Variants in CUX1 observed in about 807,000 individuals in gnomAD.
The protein encoded by CUX1 is protein CASP.
A neutral mutation model predicts 158.8 loss-of-function variants in CUX1; 31 were observed. The observed-to-expected ratio is 0.20, with a 90% confidence interval of 0.15 to 0.26. The LOEUF is 0.26. Ranked by LOEUF, CUX1 falls within the 10% of genes least tolerant of loss-of-function variation. The pLI, the probability that CUX1 is intolerant of heterozygous loss-of-function variation, is 1.00. For synonymous variants in CUX1, 879 were observed against 862.1 expected (o/e 1.02, Z -0.34); for missense variants, 1,589 against 2,014.6 (o/e 0.79, Z 4.04).
At chr7:102,222,485 C>G (rs1797904270) in intron 20 of CUX1, among the ~76,000 whole-genome samples, 1 of 152,014 alleles carries the variant, frequency 6.6e-6, no homozygotes, top group Admixed American at 6.6e-5. Flanking sequence ...AAATTTCCAC[C>G]CCAGGGACCA....
At chr7:101,888,624 C>T (rs1052257684) in intron 1 of CUX1, among the ~76,000 whole-genome samples, 18 of 152,086 alleles carry the variant, frequency 1.2e-4, no homozygotes, top group African/African-American at 3.4e-4. Flanking sequence ...GAGTCTCACT[C>T]TGTCACCTAG....
chr7:102,098,335 C>T (rs554298891), intron 5 of CUX1, among the ~76,000 whole-genome samples: 4 of 152,272 alleles, frequency 2.6e-5, no homozygotes, highest in Admixed American at 1.3e-4. Context: ...ATTGGGGCCA[C>T]GTGCGGTGGT....
At chr7:102,116,863 G>A (rs901820484) in intron 8 of CUX1, among the ~76,000 whole-genome samples, 1 of 152,170 alleles carries the variant, frequency 6.6e-6, no homozygotes, top group Non-Finnish European at 1.5e-5. Context: ...AGACTCACTC[G>A]GTTAGATGAT....
chr7:101,855,620 C>G (rs772354274), intron 1 of CUX1, among the ~76,000 whole-genome samples: 3 of 152,198 alleles, frequency 2.0e-5, no homozygotes, highest in Non-Finnish European at 4.4e-5. Flanking sequence ...TGGCTCATGC[C>G]TGTAATCCCA....
chr7:102,018,748 G>A (rs928745357), intron 2 of CUX1, among the ~76,000 whole-genome samples: 4 of 152,070 alleles, frequency 2.6e-5, no homozygotes, highest in African/African-American at 7.2e-5. Context: ...GCGTGCGTGC[G>A]TGCGTGCGCT....
chr7:102,137,874 C>T (rs371471434), intron 8 of CUX1, among the ~76,000 whole-genome samples: 26 of 152,022 alleles, frequency 1.7e-4, no homozygotes, highest in African/African-American at 5.8e-4. Context: ...CAAACCTTAC[C>T]TTAATTAGCC....
At chr7:102,006,348 G>A (rs1300585004) in intron 2 of CUX1, among the ~76,000 whole-genome samples, 1 of 152,092 alleles carries the variant, frequency 6.6e-6, no homozygotes, top group Non-Finnish European at 1.5e-5. Flanking sequence ...GGACAACTCT[G>A]GAATGCCAGT....
chr7:101,930,072 C>A (rs985676520), intron 2 of CUX1, among the ~76,000 whole-genome samples: 1 of 152,188 alleles, frequency 6.6e-6, no homozygotes, highest in African/African-American at 2.4e-5. Context: ...GATCTCTTCA[C>A]CTCAGGTGAC....
intron 14 of CUX1, among the ~76,000 whole-genome samples, chr7:102,269,572 A>ATTTTTTTTTTTTTTTT (rs71123030): frequency 5.6e-5 from 6 of 107,802 alleles, no homozygotes; most frequent in African/African-American, 7.8e-5. Context: ...TGCCCGGCTA[A>ATTTTTTTTTTTTTTTT]TTTTTTTTTT....
exon 20 of CUX1, chr7:102,280,812 G>A (rs1554549042): frequency 1.9e-6 from 3 of 1,613,122 alleles, no homozygotes; most frequent in Admixed American, 1.7e-5. Context: ...AGGAGCGGCA[G>A]AGGAAGTACC....
chr7:101,984,139 C>T (rs74350977), intron 2 of CUX1, among the ~76,000 whole-genome samples: 2,368 of 45,188 alleles, frequency 0.052, 137 homozygotes, highest in Admixed American at 0.16. Context: ...TACACACACA[C>T]ATATATATAT....
At chr7:101,907,146 A>G (rs1437353228) in intron 1 of CUX1, among the ~76,000 whole-genome samples, 2 of 152,194 alleles carry the variant, frequency 1.3e-5, no homozygotes, top group Non-Finnish European at 2.9e-5. Flanking sequence ...AACTTATGAA[A>G]TAAGTGAAAA....
rs1554518620 is a variant in CUX1, at chr7:102,197,133, C to T, written c.1722C>T (p.Phe574=). The change falls in exon 15 of 24, where the codon TTC becomes TTT. Residue 574 remains phenylalanine (F), a synonymous_variant. Transcript: ENST00000292535. ...AGCACAATATCGGACAACGTATTTT[C>T]GGACATTATGTGTTGGGACTGTCTC... ...LIKHNIGQRI[F]GHYVLGLSQG... is the part of the protein sequence containing the mutation. 17 of 1,614,118 alleles carry T rather than the reference C, an allele frequency of 1.1e-5. No individual in the cohort carries two copies. Among genetic ancestry groups the T allele is most frequent in the Admixed American group, 1.7e-5 (1 of 59,992 alleles).
intron 2 of CUX1, among the ~76,000 whole-genome samples, chr7:101,997,304 C>T (rs1478572642): frequency 2.0e-5 from 3 of 152,206 alleles, no homozygotes; most frequent in Non-Finnish European, 4.4e-5. Context: ...TGGACATTTC[C>T]ATAACTTTTC....
At chr7:102,010,078 G>T (rs1030547109) in intron 2 of CUX1, among the ~76,000 whole-genome samples, 7 of 151,960 alleles carry the variant, frequency 4.6e-5, no homozygotes, top group Non-Finnish European at 1.0e-4. Context: ...CTTGCTGCCG[G>T]TGCTAGATTC....
chr7:101,930,007 A>G (rs1585013237), intron 2 of CUX1, among the ~76,000 whole-genome samples: 1 of 152,062 alleles, frequency 6.6e-6, no homozygotes, highest in South Asian at 2.1e-4. Context: ...ATGCCCGGCT[A>G]ATTTTTGTGT....
intron 8 of CUX1, chr7:102,115,784 A>G (rs1260118923): frequency 1.3e-5 from 2 of 152,496 alleles, no homozygotes; most frequent in Non-Finnish European, 2.9e-5. Context: ...TGTCCAAAGG[A>G]AATTAGAGGT....
intron 1 of CUX1, among the ~76,000 whole-genome samples, chr7:101,887,159 G>A (rs958965709): frequency 6.6e-6 from 1 of 152,152 alleles, no homozygotes; most frequent in African/African-American, 2.4e-5. Context: ...GGGCTTTGCT[G>A]GGGAGGGGGT....
chr7:102,059,356 G>A (rs1285445713), intron 3 of CUX1, among the ~76,000 whole-genome samples: 1 of 152,036 alleles, frequency 6.6e-6, no homozygotes, highest in African/African-American at 2.4e-5. Context: ...AAGTGGGACC[G>A]GGTACAGTGG....
Sources: gnomAD v4.1 joint callset for allele counts (sites outside exome capture counted in the v4.1 genomes callset) on GRCh38, gnomAD v4.1.1 for gene constraint, MANE v1.5 for transcripts, NCBI Gene and HGNC (gene_info 2026-07-23, HGNC 2026-07-21) for gene names.